The following THADA variants were observed in gnomAD, a reference collection of about 807,000 sequenced individuals.
THADA encodes the protein tRNA (32-2'-O)-methyltransferase regulator THADA.
THADA carries 213 observed loss-of-function variants against 219.8 expected under a neutral mutation model. The observed-to-expected ratio is 0.97, with a 90% confidence interval of 0.87 to 1.09. The LOEUF is 1.09. Among genes scored for constraint, THADA ranks in the 50% least tolerant of loss-of-function variants. The probability of loss-of-function intolerance (pLI) is 0.00; values close to 1 mark genes in which losing one functional copy is unlikely to be tolerated. For synonymous variants in THADA, 1,018 were observed against 828.9 expected (o/e 1.23, Z -3.92); for missense variants, 2,956 against 2,311.3 (o/e 1.28, Z -5.72).
chr2:43,439,231 T>C (rs2104853545), intron 26 of THADA, among the ~76,000 whole-genome samples: 1 of 152,252 alleles, frequency 6.6e-6, no homozygotes, highest in Admixed American at 6.5e-5. Context: ...TTAAACTGAG[T>C]GCCATTAGAT....
intron 29 of THADA, among the ~76,000 whole-genome samples, chr2:43,387,613 A>G (rs1034309051): frequency 6.6e-6 from 1 of 152,008 alleles, no homozygotes; most frequent in Admixed American, 6.6e-5. Context: ...ATCCATAGGT[A>G]CCATGGAACA....
intron 29 of THADA, among the ~76,000 whole-genome samples, chr2:43,366,391 A>G (rs991303871): frequency 6.6e-6 from 1 of 152,218 alleles, no homozygotes; most frequent in Non-Finnish European, 1.5e-5. Context: ...GAGTTTTCAC[A>G]GGAAGAGGTC....
chr2:43,367,557 T>A (rs746211623), intron 29 of THADA, among the ~76,000 whole-genome samples: 55 of 152,372 alleles, frequency 3.6e-4, no homozygotes, highest in Non-Finnish European at 5.3e-4. Flanking sequence ...AAATCCACTT[T>A]GACTTCTTTT....
At chr2:43,510,675 A>AT (rs1214959803) in intron 22 of THADA, among the ~76,000 whole-genome samples, 2 of 151,462 alleles carry the variant, frequency 1.3e-5, no homozygotes, top group African/African-American at 4.8e-5. Flanking sequence ...AAAAAAAAAA[A>AT]AAAAAATTGG....
chr2:43,401,154 G>A (rs1674784978), intron 28 of THADA, among the ~76,000 whole-genome samples: 1 of 152,094 alleles, frequency 6.6e-6, no homozygotes, highest in African/African-American at 2.4e-5. Flanking sequence ...AATCTGCAAG[G>A]TACACAGACA....
chr2:43,379,520 C>T (rs979534132), intron 29 of THADA, among the ~76,000 whole-genome samples: 3 of 152,134 alleles, frequency 2.0e-5, no homozygotes, highest in Non-Finnish European at 4.4e-5. Flanking sequence ...CTTACTAGAA[C>T]AGCTAAAACC....
chr2:43,244,830 A>C (rs1049442124), intron 36 of THADA, among the ~76,000 whole-genome samples: 13 of 152,174 alleles, frequency 8.5e-5, no homozygotes, highest in African/African-American at 3.1e-4. Context: ...TCCAACTCTG[A>C]CCAGGTGGTA....
chr2:43,590,816 T>A lies in THADA; in HGVS notation c.302+8A>T. 2 of 1,610,430 alleles carry A rather than the reference T, an allele frequency of 1.2e-6. No individual in the cohort carries two copies. The highest frequency in any genetic ancestry group is 1.7e-6 in the Non-Finnish European group (2 of 1,178,884). ...ATAACACCCAACTTCCCTTCCTTTT[T>A]TTCTTACCTTGCCAATACTTTCTTC... On this transcript the variant is annotated splice_region_variant and intron_variant, in intron 4 of 37. Coordinates refer to ENST00000405975, the MANE Select transcript of THADA (RefSeq NM_022065.5).
At chr2:43,385,416 C>T (rs1345116139) in intron 29 of THADA, among the ~76,000 whole-genome samples, 1 of 151,918 alleles carries the variant, frequency 6.6e-6, no homozygotes, top group African/African-American at 2.4e-5. Context: ...ACCATCCTGG[C>T]TAACATGGTG....
intron 17 of THADA, chr2:43,555,988 G>A: frequency 1.4e-5 from 3 of 221,828 alleles, no homozygotes; most frequent in Non-Finnish European, 2.3e-5. Context: ...AACCCTGACA[G>A]AAAAAGGAAC....
At chr2:43,559,169 A>T (rs1285614325) in intron 16 of THADA, among the ~76,000 whole-genome samples, 1 of 152,210 alleles carries the variant, frequency 6.6e-6, no homozygotes, top group African/African-American at 2.4e-5. Context: ...TCTCCTCTTT[A>T]AAAACTGTGT....
At chr2:43,586,605 A>G (rs1701053987) in intron 6 of THADA, 97 bp downstream of exon 6, 1 of 1,399,016 alleles carries the variant, frequency 7.1e-7, no homozygotes, top group Non-Finnish European at 9.8e-7. Flanking sequence ...GTTATCTACA[A>G]TGCTCTACCT....
chr2:43,512,410 C>T (rs553588083), intron 22 of THADA, among the ~76,000 whole-genome samples: 1 of 152,300 alleles, frequency 6.6e-6, no homozygotes, highest in East Asian at 1.9e-4. Flanking sequence ...GAATTTGGTC[C>T]AATAATGGAA....
At chr2:43,558,569 G>C (rs932363302) in intron 16 of THADA, among the ~76,000 whole-genome samples, 1 of 152,138 alleles carries the variant, frequency 6.6e-6, no homozygotes, top group Non-Finnish European at 1.5e-5. Context: ...GAAGAACATG[G>C]AAAGATTAGA....
chr2:43,477,742 T>C (rs991923905), intron 26 of THADA, among the ~76,000 whole-genome samples: 5 of 152,250 alleles, frequency 3.3e-5, no homozygotes, highest in Non-Finnish European at 5.9e-5. Context: ...CAGAACCTAC[T>C]ACAGTGCCTA....
At chr2:43,287,386 C>A (rs1225521974) in intron 34 of THADA, among the ~76,000 whole-genome samples, 3 of 152,108 alleles carry the variant, frequency 2.0e-5, no homozygotes. Flanking sequence ...CCTCTGCCTC[C>A]TGGGTTAAAG....
chr2:43,554,166 ATAAC>A (rs1697078091), intron 17 of THADA, among the ~76,000 whole-genome samples: 4 of 152,214 alleles, frequency 2.6e-5, no homozygotes, highest in Admixed American at 1.3e-4. Flanking sequence ...TTTGGAAGTC[ATAAC>A]TAACCATTGG....
At chr2:43,232,598 G>T in intron 37 of THADA, 115 bp downstream of exon 37, 1 of 1,168,618 alleles carries the variant, frequency 8.6e-7, no homozygotes, top group Non-Finnish European at 1.2e-6. Flanking sequence ...CTTTCCTAGT[G>T]GTTCCTGCTC....
intron 25 of THADA, 116 bp from the exon 26 acceptor site, chr2:43,485,441 A>G (rs780803680): frequency 1.4e-6 from 1 of 714,042 alleles, no homozygotes; most frequent in Non-Finnish European, 2.4e-6. Context: ...TGTGAGGCTA[A>G]AAAGACAGAT....
Sources: allele counts gnomAD v4.1 joint callset (sites outside exome capture counted in the v4.1 genomes callset), GRCh38; gene constraint gnomAD v4.1.1; transcripts MANE v1.5; gene names NCBI Gene and HGNC (gene_info 2026-07-23, HGNC 2026-07-21).